RPH3AL: variants seen among roughly 807,000 people sequenced by gnomAD.
RPH3AL encodes the protein rabphilin 3A like (without C2 domains).
RPH3AL carries 38 observed loss-of-function variants against 43.1 expected under a neutral mutation model. The ratio of observed to expected loss-of-function variants is 0.88; its 90% confidence interval spans 0.68 to 1.15. RPH3AL has a LOEUF of 1.15. RPH3AL is among the 50% of genes most tolerant of loss of function. RPH3AL has a pLI of 0.00. For synonymous variants in RPH3AL, 189 were observed against 176.3 expected (o/e 1.07, Z -0.57); for missense variants, 462 against 423.2 (o/e 1.09, Z -0.81).
At chr17:314,890 G>C (rs2043868915) in intron 5 of RPH3AL, among the ~76,000 whole-genome samples, 1 of 147,196 alleles carries the variant, frequency 6.8e-6, no homozygotes, top group African/African-American at 2.6e-5. Flanking sequence ...TGTAGTCTCT[G>C]TGCTCCACCT....
In RPH3AL at chr17:289,658, G is replaced by A. The variant is rs2043000682; in HGVS notation, c.352-7804C>T. Among the ~76,000 whole-genome samples, 1 of 152,170 alleles carries A rather than the reference G, an allele frequency of 6.6e-6. No homozygotes were observed. Among genetic ancestry groups the A allele is most frequent in the South Asian group, 2.1e-4 (1 of 4,832 alleles). ...CCGCCTCACTTCATACGGCATTCGG[G>A]CCGGCCCTGCCTCCTGCTCTACTTC... is the stretch of plus-strand genomic sequence containing the variant. On this transcript the variant is annotated intron_variant, in intron 5 of 9. Transcript: ENST00000331302. This position sits in a 1 kb window ranked among gnomAD's most constrained non-coding sequence, Gnocchi z 5.2.
chr17:281,762 C>T lies in RPH3AL; in HGVS notation c.438+6G>A. ...GCCCTCCCCACCGTCACCCTGGACG[C>T]CCTACCTCTCTTTGCTCACTGCAGA... is the stretch of plus-strand genomic sequence containing the variant. On this transcript the variant is annotated splice_donor_region_variant and intron_variant, in intron 6 of 9. Transcript: ENST00000331302. 6.2e-7 allele frequency: 1 copy of T among 1,612,984 alleles called. No individual in the cohort carries two copies. The highest frequency in any genetic ancestry group is 8.5e-7 in the Non-Finnish European group (1 of 1,179,490).
intron 5 of RPH3AL, among the ~76,000 whole-genome samples, chr17:301,511 C>T (rs1185426838): frequency 2.0e-5 from 3 of 152,168 alleles, no homozygotes; most frequent in Non-Finnish European, 2.9e-5. Flanking sequence ...TGCCTTGTTG[C>T]CCGGGCTGGT....
intron 5 of RPH3AL, among the ~76,000 whole-genome samples, chr17:312,111 G>T (rs77879664): frequency 6.6e-6 from 1 of 152,038 alleles, no homozygotes. Context: ...AGACCAGCCC[G>T]GGCAACAAAG....
intron 1 of RPH3AL, chr17:335,739 C>T (rs75440475): frequency 6.6e-6 from 1 of 152,346 alleles, no homozygotes; most frequent in East Asian, 1.9e-4. Context: ...CAAGCAAAAC[C>T]CACTCCCCTC....
intron 7 of RPH3AL, among the ~76,000 whole-genome samples, chr17:241,095 A>ATCATC (rs2041522817): frequency 1.3e-5 from 1 of 79,920 alleles, no homozygotes; most frequent in Non-Finnish European, 2.5e-5. Context: ...TAATAATAAT[A>ATCATC]ATAATCTTGT....
At chr17:314,530 CTCCACCTCCATTGACCTGTAGTCTCTG>C (rs1400034150) in intron 5 of RPH3AL, among the ~76,000 whole-genome samples, 4 of 112,502 alleles carry the variant, frequency 3.6e-5, no homozygotes, top group African/African-American at 8.3e-5. Context: ...GTCCCTGTGA[CTCCACCTCCATTGACCTGTAGTCTCTG>C]TGCCCCACCT....
intron 3 of RPH3AL, 167 bp from the exon 4 acceptor site, chr17:321,582 TGGCCCAGGTGGCAACAGAGAC>T (rs547749190): frequency 0.087 from 48,099 of 551,428 alleles, 2,450 homozygotes; most frequent in East Asian, 0.13. Context: ...GCAACAGAGA[TGGCCCAGGTGGCAACAGAGAC>T]GGCCCAGGTG....
At chr17:223,700 G>A (rs1438449610) in intron 7 of RPH3AL, among the ~76,000 whole-genome samples, 1 of 152,214 alleles carries the variant, frequency 6.6e-6, no homozygotes, top group Non-Finnish European at 1.5e-5. Flanking sequence ...TGGGCACTGG[G>A]ATGAGGAAAC....
chr17:272,750 G>A (rs1343673077), intron 6 of RPH3AL, among the ~76,000 whole-genome samples: 1 of 132,532 alleles, frequency 7.5e-6, no homozygotes, highest in Non-Finnish European at 1.6e-5. Context: ...AGAACTTAAA[G>A]TATTATTTAA....
At chr17:268,085 G>A (rs1170799686) in intron 6 of RPH3AL, among the ~76,000 whole-genome samples, 1 of 152,132 alleles carries the variant, frequency 6.6e-6, no homozygotes, top group African/African-American at 2.4e-5. Context: ...AACCTTGTAT[G>A]TATGTATGCA....
chr17:298,261 A>G (rs1011791435), intron 5 of RPH3AL, among the ~76,000 whole-genome samples: 1 of 152,038 alleles, frequency 6.6e-6, no homozygotes, highest in Admixed American at 6.5e-5. Flanking sequence ...GCCCCTCAGT[A>G]GCCCTCCCCC....
chr17:230,408 G>A (rs1450125766), intron 7 of RPH3AL, among the ~76,000 whole-genome samples: 1 of 152,212 alleles, frequency 6.6e-6, no homozygotes, highest in East Asian at 1.9e-4. Flanking sequence ...AAGTGCGGGG[G>A]ACCATTCAGG....
rs148662755 is a variant in RPH3AL at position 322,623 on chromosome 17, G to A, written c.78-1208C>T. Among the ~76,000 whole-genome samples the A allele has an allele frequency of 2.0e-3, 301 of 152,170 alleles. 2 individuals are homozygous for A. Among genetic ancestry groups the A allele is most frequent in the African/African-American group, 6.6e-3 (276 of 41,514 alleles). On this transcript the variant is annotated intron_variant, in intron 3 of 9. Coordinates refer to ENST00000331302, the MANE Select transcript of RPH3AL (RefSeq NM_006987.4). This position sits in a 1 kb window ranked among gnomAD's most constrained non-coding sequence, Gnocchi z 4.0. ...AGGGGATGAGGCTCTGGAAAGGCTC[G>A]CTTTCTTTAGGGAAGTGTCAGAAGG...
At chr17:262,823 C>T (rs1325587917) in intron 6 of RPH3AL, among the ~76,000 whole-genome samples, 15 of 152,172 alleles carry the variant, frequency 9.9e-5, no homozygotes, top group Admixed American at 9.8e-4. Context: ...AGGGACAGCC[C>T]CTATGCCACA....
At chr17:242,387 A>AC (rs1387253608) in intron 7 of RPH3AL, among the ~76,000 whole-genome samples, 23 of 4,618 alleles carry the variant, frequency 5.0e-3, no homozygotes, top group African/African-American at 0.011. Context: ...TCTATTGACT[A>AC]CCTTCCTCTA....
At chr17:315,514 T>C (rs866474739) in intron 5 of RPH3AL, among the ~76,000 whole-genome samples, 7 of 149,610 alleles carry the variant, frequency 4.7e-5, no homozygotes, top group Admixed American at 6.6e-5. Flanking sequence ...TCCACCTCCA[T>C]TGACCTGTAG....
At position 270,179 on chromosome 17, in the gene RPH3AL, G is replaced by A. The variant is rs550474944; in HGVS notation, c.438+11589C>T. Reference sequence around the variant, plus strand: ...CGGTGGGGTGCTCAGGCAGCCGCCCGCCCCAGCACCAGCCACCCACTCCCG... The same window carrying A: ...CGGTGGGGTGCTCAGGCAGCCGCCCACCCCAGCACCAGCCACCCACTCCCG... On this transcript the variant is annotated intron_variant, in intron 6 of 9. Coordinates refer to ENST00000331302, the MANE Select transcript of RPH3AL (RefSeq NM_006987.4). Among the ~76,000 whole-genome samples the A allele has an allele frequency of 9.8e-5, 15 of 152,290 alleles. No individual in the cohort carries two copies. The South Asian group carries it at 1.2e-3, about 13-fold the overall frequency.
intron 6 of RPH3AL, among the ~76,000 whole-genome samples, chr17:255,149 C>T (rs368476337): frequency 6.8e-3 from 1 of 148 alleles, no homozygotes; most frequent in Admixed American, 0.05. Flanking sequence ...TCCCTAGGAA[C>T]GTGACTACCC....
Sources: gnomAD v4.1 joint callset for allele counts (sites outside exome capture counted in the v4.1 genomes callset) on GRCh38, gnomAD v4.1.1 for gene constraint, Gnocchi (gnomAD v3.1) non-coding constraint, MANE v1.5 for transcripts, NCBI Gene and HGNC (gene_info 2026-07-23, HGNC 2026-07-21) for gene names.